The following DACH2 variants were observed in gnomAD, a reference collection of about 807,000 sequenced individuals.
DACH2 encodes dachshund homolog 2.
Under a neutral mutation model 35.8 loss-of-function variants are expected in DACH2, and 17 were observed. That is an observed-to-expected ratio of 0.48 (90% CI 0.33 to 0.71). The LOEUF (loss-of-function observed/expected upper bound fraction) is 0.71. Among genes scored for constraint, DACH2 ranks in the 30% least tolerant of loss-of-function variants. The pLI is 0.02. For missense variants in DACH2, 469 were observed against 472.7 expected (o/e 0.99, Z 0.07); for synonymous variants, 195 against 177.3 (o/e 1.10, Z -0.79).
intron 2 of DACH2, among the ~76,000 whole-genome samples, chrX:86,391,735 C>A (rs970393720): frequency 1.8e-5 from 2 of 111,055 alleles, no homozygotes; most frequent in Admixed American, 1.9e-4. Context: ...GATATAAAAT[C>A]CTTAATTTAG....
At chrX:86,195,138 G>A (rs1311885233) in intron 1 of DACH2, among the ~76,000 whole-genome samples, 1 of 112,509 alleles carries the variant, frequency 8.9e-6, no homozygotes, top group Admixed American at 9.3e-5. Flanking sequence ...GTGTACAGGC[G>A]GGTTTTGGTT....
intron 1 of DACH2, among the ~76,000 whole-genome samples, chrX:86,227,389 A>G (rs2032849041): frequency 9.0e-6 from 1 of 111,432 alleles, no homozygotes; most frequent in African/African-American, 3.3e-5. Context: ...GGTTTTATTT[A>G]TCTCACCACC....
chrX:86,248,273 T>C (rs917903090), intron 1 of DACH2, among the ~76,000 whole-genome samples: 3 of 111,137 alleles, frequency 2.7e-5, no homozygotes, highest in Admixed American at 9.6e-5. Context: ...ACAGACAGTA[T>C]GATTTTATAC....
intron 1 of DACH2, among the ~76,000 whole-genome samples, chrX:86,226,839 A>T (rs7891086): frequency 0.079 from 8,738 of 111,270 alleles, 830 homozygotes; most frequent in African/African-American, 0.27. Context: ...ACTCCAAATA[A>T]TCTAATACAT....
At chrX:86,308,550 G>A (rs1230232690) in intron 1 of DACH2, among the ~76,000 whole-genome samples, 2 of 112,163 alleles carry the variant, frequency 1.8e-5, no homozygotes, top group African/African-American at 3.2e-5. Context: ...TAAAAACAGA[G>A]AATCATGGCC....
At chrX:86,783,421 C>T (rs2042107895) in intron 7 of DACH2, among the ~76,000 whole-genome samples, 1 of 111,644 alleles carries the variant, frequency 9.0e-6, no homozygotes, top group Admixed American at 9.5e-5. Context: ...GGGTATATAC[C>T]CAAAAGAAAT....
intron 1 of DACH2, among the ~76,000 whole-genome samples, chrX:86,187,687 A>G (rs1035015494): frequency 5.4e-5 from 6 of 110,690 alleles, no homozygotes; most frequent in Non-Finnish European, 1.1e-4. Context: ...TAGCCTCCCA[A>G]AGCGCTGAGA....
intron 1 of DACH2, among the ~76,000 whole-genome samples, chrX:86,294,237 T>A (rs2034386496): frequency 8.9e-6 from 1 of 111,898 alleles, no homozygotes; most frequent in Non-Finnish European, 1.9e-5. Context: ...GCTTCTGCAT[T>A]CTTCACGTAG....
At chrX:86,289,400 C>G (rs1246149632) in intron 1 of DACH2, among the ~76,000 whole-genome samples, 7 of 99,073 alleles carry the variant, frequency 7.1e-5, no homozygotes, top group African/African-American at 2.5e-4. Context: ...GGTGTCTAAG[C>G]AGGTTTCTTT....
intron 1 of DACH2, among the ~76,000 whole-genome samples, chrX:86,238,040 C>T (rs2033091713): frequency 8.9e-6 from 1 of 112,105 alleles, no homozygotes; most frequent in Non-Finnish European, 1.9e-5. Flanking sequence ...CTCTTTCAAC[C>T]CTGCCATTCA....
intron 3 of DACH2, among the ~76,000 whole-genome samples, chrX:86,628,143 T>C (rs900984255): frequency 3.6e-5 from 4 of 112,525 alleles, no homozygotes; most frequent in Non-Finnish European, 7.5e-5. Flanking sequence ...GACTCACTAC[T>C]GTGTCAGGCA....
intron 3 of DACH2, among the ~76,000 whole-genome samples, chrX:86,600,981 TC>T (rs2039782049): frequency 9.0e-6 from 1 of 111,392 alleles, no homozygotes; most frequent in Non-Finnish European, 1.9e-5. Context: ...ATTCCTGTGC[TC>T]CTGTTTCTAC....
chrX:86,580,241 G>A (rs1210807050), intron 3 of DACH2, among the ~76,000 whole-genome samples: 4 of 111,873 alleles, frequency 3.6e-5, no homozygotes, highest in Non-Finnish European at 7.5e-5. Context: ...TCAAAGGATA[G>A]CAACTTCAAA....
intron 1 of DACH2, among the ~76,000 whole-genome samples, chrX:86,318,682 C>T (rs745537216): frequency 3.4e-4 from 38 of 111,105 alleles, no homozygotes; most frequent in Non-Finnish European, 6.2e-4. Flanking sequence ...ATTCCATGTA[C>T]CTAAACATGT....
chrX:86,325,623 A>G (rs1210271994), intron 1 of DACH2, among the ~76,000 whole-genome samples: 3 of 112,434 alleles, frequency 2.7e-5, no homozygotes, highest in Non-Finnish European at 5.6e-5. Context: ...TATGCAATCA[A>G]CTTGATGCAA....
At chrX:86,419,007 C>T (rs994021535) in intron 2 of DACH2, among the ~76,000 whole-genome samples, 2 of 111,766 alleles carry the variant, frequency 1.8e-5, no homozygotes, top group African/African-American at 6.5e-5. Context: ...TAAAACATAA[C>T]AAGGGTTGCC....
chrX:86,260,418 C>T (rs2033604742), intron 1 of DACH2, among the ~76,000 whole-genome samples: 1 of 111,682 alleles, frequency 9.0e-6, no homozygotes, highest in Non-Finnish European at 1.9e-5. Context: ...ATTACTTTCA[C>T]AGGTCACTGA....
At chrX:86,203,659 T>A (rs1012929125) in intron 1 of DACH2, among the ~76,000 whole-genome samples, 1 of 111,781 alleles carries the variant, frequency 8.9e-6, no homozygotes, top group Non-Finnish European at 1.9e-5. Context: ...AAATAACATT[T>A]TTTGTTGTAA....
At chrX:86,299,729 T>C (rs1239591682) in intron 1 of DACH2, among the ~76,000 whole-genome samples, 1 of 111,629 alleles carries the variant, frequency 9.0e-6, no homozygotes, top group Non-Finnish European at 1.9e-5. Context: ...AATTTTCAAA[T>C]AATATGCATC....
Sources: allele counts gnomAD v4.1 joint callset (sites outside exome capture counted in the v4.1 genomes callset), GRCh38; gene constraint gnomAD v4.1.1; transcripts MANE v1.5; gene names NCBI Gene and HGNC (gene_info 2026-07-23, HGNC 2026-07-21).